PLEKHH2: variants seen among roughly 807,000 people sequenced by gnomAD.
PLEKHH2 encodes pleckstrin homology, MyTH4 and FERM domain containing H2.
A neutral mutation model predicts 187.9 loss-of-function variants in PLEKHH2; 129 were observed. That is an observed-to-expected ratio of 0.69 (90% CI 0.59 to 0.79). PLEKHH2 has a LOEUF of 0.79. Among genes scored for constraint, PLEKHH2 ranks in the 30% least tolerant of loss-of-function variants. The pLI is 0.00. For missense variants in PLEKHH2, 2,076 were observed against 1,751.2 expected (o/e 1.19, Z -3.31); for synonymous variants, 686 against 605.6 (o/e 1.13, Z -1.95).
chr2:43,732,566 C>T (rs1310587085), intron 19 of PLEKHH2, among the ~76,000 whole-genome samples: 1 of 152,132 alleles, frequency 6.6e-6, no homozygotes, highest in Non-Finnish European at 1.5e-5. Context: ...CTCACAAGTA[C>T]GTCACATCTA....
At chr2:43,686,867 CCT>C (rs1367302335) in intron 3 of PLEKHH2, among the ~76,000 whole-genome samples, 1 of 152,098 alleles carries the variant, frequency 6.6e-6, no homozygotes. Context: ...TATGGCCTTC[CCT>C]TTCTTATGAG....
chr2:43,707,257 TA>T, intron 10 of PLEKHH2, 143 bp from the exon 11 acceptor site: 1 of 787,694 alleles, frequency 1.3e-6, no homozygotes, highest in Non-Finnish European at 2.0e-6. Flanking sequence ...TTCTGTTATC[TA>T]AAAAGAGTGA....
At chr2:43,764,405 G>A (rs368842927) in intron 29 of PLEKHH2, 40 bp downstream of exon 29, 2 of 1,595,014 alleles carry the variant, frequency 1.3e-6, no homozygotes, top group Admixed American at 1.7e-5. Flanking sequence ...TGTCCTAGTT[G>A]TTTTCACTTA....
intron 2 of PLEKHH2, chr2:43,675,394 A>G (rs765980009): frequency 6.3e-7 from 1 of 1,593,894 alleles, no homozygotes; most frequent in Non-Finnish European, 8.5e-7. Context: ...TTCTGAACCA[A>G]CTGGAGGCAA....
intron 22 of PLEKHH2, 136 bp from the exon 23 acceptor site, chr2:43,743,698 G>C (rs894894299): frequency 4.8e-6 from 4 of 834,044 alleles, no homozygotes; most frequent in Non-Finnish European, 6.7e-6. Context: ...GAGGAGCTTT[G>C]GGAAAAAAAG....
intron 25 of PLEKHH2, 121 bp downstream of exon 25, chr2:43,753,881 C>G: frequency 1.2e-6 from 1 of 863,968 alleles, no homozygotes; most frequent in Non-Finnish European, 1.6e-6. Context: ...ACAATTAGCA[C>G]CTTAAAAATT....
rs1340644129 is a variant in PLEKHH2 at position 43,744,007 on chromosome 2, T to A, written c.3555+18T>A. The A allele has an allele frequency of 6.2e-7, 1 of 1,606,960 alleles. No individual in the cohort carries two copies. Among genetic ancestry groups the A allele is most frequent in the Non-Finnish European group, 8.5e-7 (1 of 1,174,916 alleles). ...ACATCAAGGTGAAACCAAGTCCTTT[T>A]CAGGAGCCAAGCCCAACGAACAGCA... On this transcript the variant is annotated intron_variant, in intron 23 of 29. Transcript: ENST00000282406.
intron 18 of PLEKHH2, among the ~76,000 whole-genome samples, chr2:43,730,734 A>G (rs1039282994): frequency 2.6e-5 from 4 of 152,186 alleles, no homozygotes; most frequent in South Asian, 2.1e-4. Context: ...TCCCCCACTG[A>G]GAGACTAGAT....
intron 8 of PLEKHH2, among the ~76,000 whole-genome samples, chr2:43,701,634 T>C (rs1241233968): frequency 6.6e-6 from 1 of 152,052 alleles, no homozygotes; most frequent in African/African-American, 2.4e-5. Context: ...AAAGTATCTT[T>C]CTACAGACCT....
At chr2:43,645,888 G>A (rs1558407532) in intron 2 of PLEKHH2, among the ~76,000 whole-genome samples, 1 of 152,032 alleles carries the variant, frequency 6.6e-6, no homozygotes, top group Non-Finnish European at 1.5e-5. Flanking sequence ...AATCCTTTTG[G>A]GATGGAGATT....
chr2:43,685,219 G>A (rs1668442520), intron 3 of PLEKHH2, among the ~76,000 whole-genome samples: 1 of 152,152 alleles, frequency 6.6e-6, no homozygotes, highest in African/African-American at 2.4e-5. Flanking sequence ...AACCAAAAAG[G>A]AATATTTTGC....
chr2:43,637,751 G>C (rs1206760111), intron 1 of PLEKHH2, among the ~76,000 whole-genome samples: 1 of 152,200 alleles, frequency 6.6e-6, no homozygotes, highest in Non-Finnish European at 1.5e-5. Flanking sequence ...CGAGCCGAGG[G>C]ACCCGCGCGG....
intron 14 of PLEKHH2, 171 bp from the exon 15 acceptor site, chr2:43,712,054 G>A: frequency 7.8e-7 from 1 of 1,280,318 alleles, no homozygotes; most frequent in Non-Finnish European, 1.0e-6. Flanking sequence ...TTCTCACAAA[G>A]TGGTTAAAAT....
At chr2:43,713,193 G>T (rs1394817234) in intron 15 of PLEKHH2, among the ~76,000 whole-genome samples, 1 of 152,000 alleles carries the variant, frequency 6.6e-6, no homozygotes, top group Non-Finnish European at 1.5e-5. Flanking sequence ...ATTTGCAAAA[G>T]ATTTAATTAT....
At chr2:43,640,193 G>C (rs1703308261) in intron 1 of PLEKHH2, among the ~76,000 whole-genome samples, 1 of 145,528 alleles carries the variant, frequency 6.9e-6, no homozygotes, top group African/African-American at 2.6e-5. Context: ...CCAATAACTT[G>C]GTAACTTTAT....
intron 4 of PLEKHH2, among the ~76,000 whole-genome samples, chr2:43,693,719 A>G (rs541880584): frequency 7.4e-5 from 11 of 148,552 alleles, no homozygotes; most frequent in South Asian, 6.4e-4. Flanking sequence ...GCGAGACTCC[A>G]TCTCAAAAAA....
chr2:43,700,374 T>C lies in PLEKHH2; in HGVS notation c.1416T>C (p.Asn472=), dbSNP rs1244513748. ...QLSSDRMFGT[N]RNAISMIRPL... ...GCTCTGACAGGATGTTTGGTACAAA[T>C]AGAAACGCTATAAGCATGATACGAC... is the stretch of plus-strand genomic sequence containing the variant. Residue 472 remains asparagine, a synonymous_variant, in exon 8 of 30, where the codon AAT becomes AAC. Coordinates refer to ENST00000282406, the MANE Select transcript of PLEKHH2 (RefSeq NM_172069.4). 10 of 1,614,058 alleles carry C rather than the reference T, an allele frequency of 6.2e-6. No individual in the cohort carries two copies. Among genetic ancestry groups the C allele is most frequent in the Non-Finnish European group, 8.5e-6 (10 of 1,180,002 alleles).
intron 26 of PLEKHH2, among the ~76,000 whole-genome samples, chr2:43,757,693 G>T (rs1195840096): frequency 2.0e-5 from 3 of 151,958 alleles, no homozygotes; most frequent in African/African-American, 4.8e-5. Context: ...GCTGGGATTA[G>T]AGGCGTGAGC....
chr2:43,675,614 A>G (rs1667712663), intron 2 of PLEKHH2: 2 of 1,613,670 alleles, frequency 1.2e-6, no homozygotes, highest in East Asian at 4.5e-5. Context: ...CTTCCTTCAT[A>G]ATCCTCTGCA....
Sources: allele counts gnomAD v4.1 joint callset (sites outside exome capture counted in the v4.1 genomes callset), GRCh38; gene constraint gnomAD v4.1.1; transcripts MANE v1.5; gene names NCBI Gene and HGNC (gene_info 2026-07-23, HGNC 2026-07-21).